NBEA: variants seen among roughly 807,000 people sequenced by gnomAD.
NBEA encodes neurobeachin, also known as lysosomal-trafficking regulator 2.
Under a neutral mutation model 343.4 loss-of-function variants are expected in NBEA, and 44 were observed. That is an observed-to-expected ratio of 0.13 (90% CI 0.10 to 0.16). The LOEUF (loss-of-function observed/expected upper bound fraction) is 0.16, where lower values mean the gene tolerates loss of function less well. Ranked by LOEUF, NBEA falls within the 10% of genes least tolerant of loss-of-function variation. The pLI is 1.00. For missense variants in NBEA, 2,555 were observed against 3,631.3 expected, an observed-to-expected ratio of 0.70 and a Z score of 7.62; for synonymous variants, 1,175 against 1,238.7, an observed-to-expected ratio of 0.95 and a Z score of 1.08.
chr13:35,373,036 G>T (rs2041532345), intron 38 of NBEA, among the ~76,000 whole-genome samples: 1 of 152,148 alleles, frequency 6.6e-6, no homozygotes, highest in African/African-American at 2.4e-5. Flanking sequence ...AGGGCCAAGG[G>T]ACTCGCCTGA....
At chr13:35,070,449 A>G (rs1031957413) in intron 9 of NBEA, among the ~76,000 whole-genome samples, 1 of 152,080 alleles carries the variant, frequency 6.6e-6, no homozygotes, top group African/African-American at 2.4e-5. Context: ...TTGTCTTTAA[A>G]TCCATCAATA....
intron 45 of NBEA, among the ~76,000 whole-genome samples, chr13:35,569,674 G>A (rs890854583): frequency 2.0e-5 from 3 of 152,078 alleles, no homozygotes; most frequent in Non-Finnish European, 4.4e-5. Context: ...CCAGCCACTT[G>A]AAGGGAGTTC....
chr13:35,325,283 A>G (rs1056862078), intron 36 of NBEA, among the ~76,000 whole-genome samples: 2 of 152,048 alleles, frequency 1.3e-5, no homozygotes, highest in Non-Finnish European at 2.9e-5. Flanking sequence ...TTGATGTTAA[A>G]CAATAAATAT....
chr13:35,403,185 T>G (rs1221005107), intron 38 of NBEA, among the ~76,000 whole-genome samples: 1 of 151,522 alleles, frequency 6.6e-6, no homozygotes, highest in African/African-American at 2.4e-5. Context: ...AAATAAAAAA[T>G]TAATTAAAAT....
chr13:35,494,120 G>T (rs944142259), intron 41 of NBEA, among the ~76,000 whole-genome samples: 2 of 151,862 alleles, frequency 1.3e-5, no homozygotes, highest in African/African-American at 4.8e-5. Flanking sequence ...CAAAACCAAT[G>T]ATAAGTAAGA....
intron 1 of NBEA, among the ~76,000 whole-genome samples, chr13:35,034,214 A>G (rs1005855345): frequency 6.6e-6 from 1 of 151,840 alleles, no homozygotes; most frequent in African/African-American, 2.4e-5. Context: ...GAGAGTTTTT[A>G]TCATGAAGGG....
intron 20 of NBEA, 55 bp downstream of exon 20, chr13:35,156,261 C>T: frequency 7.0e-7 from 1 of 1,435,938 alleles, no homozygotes; most frequent in African/African-American, 1.5e-5. Flanking sequence ...TATTTTCTCT[C>T]TTTTAGATTT....
At chr13:35,197,272 T>A (rs1249909530) in intron 31 of NBEA, among the ~76,000 whole-genome samples, 1 of 152,208 alleles carries the variant, frequency 6.6e-6, no homozygotes, top group Non-Finnish European at 1.5e-5. Flanking sequence ...AAACATCTTT[T>A]CATACCAAAA....
intron 1 of NBEA, among the ~76,000 whole-genome samples, chr13:35,012,270 G>A (rs1175958974): frequency 6.6e-6 from 1 of 152,130 alleles, no homozygotes; most frequent in Non-Finnish European, 1.5e-5. Flanking sequence ...GAGAGGGTGG[G>A]AGAGAGAGCA....
At chr13:35,462,082 G>A (rs938712087) in intron 40 of NBEA, among the ~76,000 whole-genome samples, 2 of 152,172 alleles carry the variant, frequency 1.3e-5, no homozygotes, top group Non-Finnish European at 2.9e-5. Context: ...GGACCTGTTG[G>A]ACCCTTATTC....
At chr13:35,601,823 G>A (rs1457899550) in intron 47 of NBEA, among the ~76,000 whole-genome samples, 4 of 145,834 alleles carry the variant, frequency 2.7e-5, no homozygotes, top group African/African-American at 1.0e-4. Flanking sequence ...TACTTTAAAA[G>A]GCAGAATACA....
At chr13:35,122,859 G>T (rs755743697) in intron 16 of NBEA, among the ~76,000 whole-genome samples, 1 of 152,088 alleles carries the variant, frequency 6.6e-6, no homozygotes, top group Admixed American at 6.5e-5. Flanking sequence ...AAACGTTACT[G>T]TTCTAGTTTC....
intron 1 of NBEA, among the ~76,000 whole-genome samples, chr13:35,008,103 A>G (rs59956956): frequency 0.016 from 2,409 of 152,274 alleles, 64 homozygotes; most frequent in African/African-American, 0.054. Flanking sequence ...GATTGTTACA[A>G]TCCAACTAAG....
intron 41 of NBEA, among the ~76,000 whole-genome samples, chr13:35,487,852 T>C (rs1187772063): frequency 2.0e-5 from 3 of 151,890 alleles, no homozygotes; most frequent in Non-Finnish European, 4.4e-5. Flanking sequence ...GTCACCTCAC[T>C]GTTCAGGAGC....
intron 36 of NBEA, among the ~76,000 whole-genome samples, chr13:35,310,558 TTA>T (rs2037293098): frequency 6.6e-6 from 1 of 152,214 alleles, no homozygotes; most frequent in African/African-American, 2.4e-5. Context: ...AACCCATTAT[TTA>T]CCATTTTGTG....
At chr13:35,417,288 T>C (rs928313875) in intron 38 of NBEA, among the ~76,000 whole-genome samples, 7 of 152,264 alleles carry the variant, frequency 4.6e-5, no homozygotes, top group African/African-American at 1.7e-4. Context: ...CTTTTGAATG[T>C]GTTTGCTCTT....
At chr13:35,480,781 TTTTC>T (rs2076093664) in intron 41 of NBEA, among the ~76,000 whole-genome samples, 1 of 151,988 alleles carries the variant, frequency 6.6e-6, no homozygotes, top group Non-Finnish European at 1.5e-5. Context: ...TTGTGCAGGG[TTTTC>T]TTTATGTGTC....
At chr13:35,642,773 A>G (rs2153074393) in intron 49 of NBEA, among the ~76,000 whole-genome samples, 1 of 152,214 alleles carries the variant, frequency 6.6e-6, no homozygotes, top group African/African-American at 2.4e-5. Flanking sequence ...TGACCTGTAA[A>G]TTTTGGCTCA....
chr13:35,044,585 C>T (rs2062773269), intron 2 of NBEA, among the ~76,000 whole-genome samples: 1 of 149,346 alleles, frequency 6.7e-6, no homozygotes, highest in South Asian at 2.2e-4. Context: ...TTTCCCTGCA[C>T]ACAGCAGGCT....
Sources: allele counts gnomAD v4.1 joint callset (sites outside exome capture counted in the v4.1 genomes callset), GRCh38; gene constraint gnomAD v4.1.1; transcripts MANE v1.5; gene names NCBI Gene and HGNC (gene_info 2026-07-23, HGNC 2026-07-21).